The following TNKS2 variants were observed in gnomAD, a reference collection of about 807,000 sequenced individuals.
The protein encoded by TNKS2 is poly [ADP-ribose] polymerase tankyrase-2.
TNKS2 carries 72 observed loss-of-function variants against 137.6 expected under a neutral mutation model. That is an observed-to-expected ratio of 0.52 (90% CI 0.43 to 0.64). The LOEUF is 0.64. Ranked by LOEUF, TNKS2 falls within the 30% of genes least tolerant of loss-of-function variation. The pLI is 0.00. For synonymous variants in TNKS2, 516 were observed against 512.1 expected (o/e 1.01, Z -0.10); for missense variants, 1,049 against 1,410.2 (o/e 0.74, Z 4.10).
At chr10:91,832,131 G>A (rs1018266919) in intron 11 of TNKS2, among the ~76,000 whole-genome samples, 2 of 152,038 alleles carry the variant, frequency 1.3e-5, no homozygotes, top group Non-Finnish European at 2.9e-5. Context: ...GGGAATTCTT[G>A]ATAATGTATA....
Position 91,798,654 on chromosome 10 carries a change from G to A in TNKS2, c.-37G>A. 1 of 1,218,180 alleles carries A rather than the reference G, an allele frequency of 8.2e-7. No homozygotes were observed. The highest frequency in any genetic ancestry group is 1.0e-6 in the Non-Finnish European group (1 of 978,126). 75.5% of individuals were successfully genotyped at this position (1,218,180 alleles called of 1,614,324 possible). A position where few individuals can be genotyped will look rare whatever the true frequency, so the allele number is the denominator to read the frequency against. ...CGGGGCCGGGGCTCCTGCTCCGGTT[G>A]CTGGCGCTGTTGCTGGCTGTGGCGG... is the stretch of plus-strand genomic sequence containing the variant. On this transcript the variant is annotated 5_prime_UTR_variant, in exon 1 of 27. Transcript: ENST00000371627.
intron 6 of TNKS2, 39 bp from the exon 7 acceptor site, chr10:91,822,257 C>G: frequency 1.3e-6 from 2 of 1,531,012 alleles, no homozygotes; most frequent in Non-Finnish European, 9.0e-7. Context: ...CCTAAGAAAT[C>G]TATACTGAAA....
Position 91,862,063 on chromosome 10 carries a change from G to T in TNKS2, c.3346G>T (p.Ala1116Ser). 1 of 1,613,402 alleles carries T rather than the reference G, an allele frequency of 6.2e-7. No individual in the cohort carries two copies. Among genetic ancestry groups the T allele is most frequent in the Non-Finnish European group, 8.5e-7 (1 of 1,179,596 alleles). Residue 1116 changes from alanine (A) to serine (S), a missense_variant, in exon 26 of 27, where the codon GCA becomes TCA. This residue lies in a region of TNKS2 where 133 missense variants were observed against 248.4 expected (regional missense o/e 0.54). Transcript: ENST00000371627. ...CCTGCAGTTCAGTGCAATGAAAATG[G>T]CACATTCTCCTCCAGGTCATCACTC... ...SFLQFSAMKM[A>S]HSPPGHHSVT... is the part of the protein sequence containing the mutation.
In TNKS2 at chr10:91,817,153, T is replaced by A. The variant is rs551459186; in HGVS notation, c.444T>A (p.Ala148=). ...DVCIVLLQHG[A]EPTIRNTDGR... ...TTGCAGTGCTGTTACAGCATGGAGC[T>A]GAGCCAACCATCCGAAATACAGATG... The change falls in exon 3 of 27, where the codon GCT becomes GCA. Residue 148 remains alanine (A), a synonymous_variant. Transcript: ENST00000371627. 6.2e-7 allele frequency: 1 copy of A among 1,613,704 alleles called. No homozygotes were observed. The highest frequency in any genetic ancestry group is 1.1e-5 in the South Asian group (1 of 90,938).
chr10:91,819,697 T>C (rs1302751958), intron 5 of TNKS2, 140 bp downstream of exon 5: 1 of 810,564 alleles, frequency 1.2e-6, no homozygotes, highest in East Asian at 2.6e-5. Context: ...TATTTCAAAT[T>C]CTTAAGCCTA....
intron 7 of TNKS2, among the ~76,000 whole-genome samples, chr10:91,825,441 T>G (rs1285698848): frequency 6.6e-6 from 1 of 152,156 alleles, no homozygotes; most frequent in East Asian, 1.9e-4. Flanking sequence ...CTAAAGTATA[T>G]TTAGTTGAGG....
In TNKS2 at chr10:91,864,270, C is replaced by T. The variant is rs1003708591; in HGVS notation, c.*1271C>T. Reference sequence around the variant, plus strand: ...ACCATATGGTGACCACGCCTGTGCTCAGTTTGGCAGCTATAGAAGGAAATG... The same window carrying T: ...ACCATATGGTGACCACGCCTGTGCTTAGTTTGGCAGCTATAGAAGGAAATG... On this transcript the variant is annotated 3_prime_UTR_variant, in exon 27 of 27. Coordinates refer to ENST00000371627, the MANE Select transcript of TNKS2 (RefSeq NM_025235.4). 1 of 152,562 alleles carries T rather than the reference C, an allele frequency of 6.6e-6. No individual in the cohort carries two copies. Among genetic ancestry groups the T allele is most frequent in the Non-Finnish European group, 1.5e-5 (1 of 68,020 alleles). The allele number at this position is 152,562 out of a possible 1,614,324, so 9.5% of individuals were successfully genotyped here. A position where few individuals can be genotyped will look rare whatever the true frequency, so the allele number is the denominator to read the frequency against.
chr10:91,825,792 A>G (rs1228437395), intron 7 of TNKS2, among the ~76,000 whole-genome samples: 1 of 152,236 alleles, frequency 6.6e-6, no homozygotes, highest in African/African-American at 2.4e-5. Context: ...AAAAAGCCTA[A>G]CAATACAAAG....
rs538641228 is a variant in TNKS2, at chr10:91,833,339, A to G, written c.1276-514A>G. 2.6e-5 allele frequency among the ~76,000 whole-genome samples: 4 copies of G among 152,330 alleles called. No homozygotes were observed. The South Asian group carries it at 8.3e-4, about 32-fold the overall frequency. Reference sequence around the variant, plus strand: ...TGTATAATGTTTTAGAGATTCATCCATGTATCAGTAGTTTGTTCCTTTTTA... The same window carrying G: ...TGTATAATGTTTTAGAGATTCATCCGTGTATCAGTAGTTTGTTCCTTTTTA... On this transcript the variant is annotated intron_variant, in intron 11 of 26. Transcript: ENST00000371627.
Position 91,855,113 on chromosome 10 carries a change from C to A in TNKS2, c.2900C>A (p.Ser967Tyr). 6.2e-7 allele frequency: 1 copy of A among 1,604,334 alleles called. No homozygotes were observed. The highest frequency in any genetic ancestry group is 8.5e-7 in the Non-Finnish European group (1 of 1,171,582). Residue 967 changes from serine to tyrosine, a missense_variant, in exon 22 of 27, where the codon TCT becomes TAT. Ser to Tyr is a moderately radical substitution (Grantham distance 144). Coordinates refer to ENST00000371627, the MANE Select transcript of TNKS2 (RefSeq NM_025235.4). Reference protein sequence around the residue: ...DLSPDDKEFQSVEEEMQSTVR... With the variant: ...DLSPDDKEFQYVEEEMQSTVR... ...TCTCCTGATGATAAAGAGTTTCAGT[C>A]TGTGGAGGAAGAGGTATGTTCATAT...
At chr10:91,834,122 T>A in intron 12 of TNKS2, 98 bp downstream of exon 12, 1 of 987,806 alleles carries the variant, frequency 1.0e-6, no homozygotes, top group Admixed American at 3.1e-5. Flanking sequence ...TAAGAAAAAT[T>A]GAGAATTTTT....
chr10:91,823,171 GATATA>G lies in TNKS2; in HGVS notation c.795+813_795+817del, dbSNP rs575960269. On this transcript the variant is annotated intron_variant, in intron 7 of 26. Coordinates refer to ENST00000371627, the MANE Select transcript of TNKS2 (RefSeq NM_025235.4). ...GAATCATATTTTGTTAAAACCACCAGATATAATAGCAAGATTTGCCAGTTGTACTT... is the reference window on the plus strand; with the variant it reads ...GAATCATATTTTGTTAAAACCACCAGATAGCAAGATTTGCCAGTTGTACTT... 8.5e-3 allele frequency among the ~76,000 whole-genome samples: 1,291 copies of G among 152,176 alleles called. 10 individuals carry two copies. The highest frequency in any genetic ancestry group is 0.029 in the African/African-American group (1,202 of 41,514).
chr10:91,862,217 T>G, intron 26 of TNKS2, 62 bp downstream of exon 26: 1 of 1,337,492 alleles, frequency 7.5e-7, no homozygotes, highest in East Asian at 2.7e-5. Context: ...AACTTTTTAT[T>G]AATCTCTTGA....
chr10:91,812,735 A>C, intron 1 of TNKS2: 1 of 982,884 alleles, frequency 1.0e-6, no homozygotes, highest in Non-Finnish European at 1.2e-6. Flanking sequence ...TCTTTCTTTG[A>C]GGTTAGCAGT....
At chr10:91,799,033 C>A in intron 1 of TNKS2, 144 bp downstream of exon 1, 1 of 1,215,034 alleles carries the variant, frequency 8.2e-7, no homozygotes, top group Non-Finnish European at 1.0e-6. Flanking sequence ...CCAGTGGGGA[C>A]TAAGGAGATT....
intron 7 of TNKS2, among the ~76,000 whole-genome samples, chr10:91,824,561 T>G (rs1845005780): frequency 6.6e-6 from 1 of 152,190 alleles, no homozygotes; most frequent in Admixed American, 6.5e-5. Flanking sequence ...TGACTGATAT[T>G]TCTTTGCTTG....
At chr10:91,849,263 T>C (rs1167646205) in intron 19 of TNKS2, among the ~76,000 whole-genome samples, 2 of 152,220 alleles carry the variant, frequency 1.3e-5, no homozygotes, top group Non-Finnish European at 2.9e-5. Context: ...GGAAAACTGG[T>C]TTTAAAAATA....
intron 1 of TNKS2, chr10:91,807,312 G>C (rs1446674673): frequency 3.1e-6 from 5 of 1,613,820 alleles, no homozygotes; most frequent in Non-Finnish European, 4.2e-6. Context: ...TAAATCATCT[G>C]TTACTTTAAC....
chr10:91,845,209 T>C (rs1008081115), intron 17 of TNKS2, among the ~76,000 whole-genome samples, 181 bp downstream of exon 17: 1 of 152,218 alleles, frequency 6.6e-6, no homozygotes, highest in Non-Finnish European at 1.5e-5. Flanking sequence ...CTGTGTGATA[T>C]GCGGTGTATT....
Sources: allele counts gnomAD v4.1 joint callset (sites outside exome capture counted in the v4.1 genomes callset), GRCh38; gene constraint gnomAD v4.1.1; regional missense constraint gnomAD v4.1.1; transcripts MANE v1.5; gene names NCBI Gene and HGNC (gene_info 2026-07-23, HGNC 2026-07-21).